NRG3: variants seen among roughly 807,000 people sequenced by gnomAD.
NRG3 encodes the protein neuregulin 3.
A neutral mutation model predicts 66.9 loss-of-function variants in NRG3; 31 were observed. That is an observed-to-expected ratio of 0.46 (90% CI 0.35 to 0.63). NRG3 has a LOEUF of 0.63. Ranked by LOEUF, NRG3 falls within the 20% of genes least tolerant of loss-of-function variation. The probability of loss-of-function intolerance (pLI) is 0.00; values close to 1 mark genes in which losing one functional copy is unlikely to be tolerated. For missense variants in NRG3, 910 were observed against 878.9 expected, an observed-to-expected ratio of 1.04 and a Z score of -0.45; for synonymous variants, 393 against 359.4, an observed-to-expected ratio of 1.09 and a Z score of -1.06.
Position 82,018,315 on chromosome 10 carries a change from C to T in NRG3, c.823+142152C>T, listed in dbSNP as rs553380381. On this transcript the variant is annotated intron_variant, in intron 1 of 8. Coordinates refer to ENST00000372141, the MANE Select transcript of NRG3 (RefSeq NM_001010848.4). ...CTACATCTCTCTTTTGGTACCAGTACCATGCTGTTTTGGTTACTATAGCCT... is the reference window on the plus strand; with the variant it reads ...CTACATCTCTCTTTTGGTACCAGTATCATGCTGTTTTGGTTACTATAGCCT... 5.3e-5 allele frequency among the ~76,000 whole-genome samples: 8 copies of T among 152,232 alleles called. No individual in the cohort carries two copies. The East Asian group carries it at 1.5e-3, about 29-fold the overall frequency.
At chr10:82,649,683 A>C (rs2051255353) in intron 2 of NRG3, among the ~76,000 whole-genome samples, 1 of 151,702 alleles carries the variant, frequency 6.6e-6, no homozygotes, top group Non-Finnish European at 1.5e-5. Flanking sequence ...TGAACTCCTG[A>C]CCTTAGGTGA....
chr10:82,144,509 G>A (rs1390156876), intron 1 of NRG3, among the ~76,000 whole-genome samples: 2 of 152,158 alleles, frequency 1.3e-5, no homozygotes, highest in East Asian at 3.9e-4. Context: ...GTGGCAATTA[G>A]CAGCTATTCT....
intron 4 of NRG3, among the ~76,000 whole-genome samples, chr10:82,870,986 GGGA>G (rs2135986297): frequency 6.6e-6 from 1 of 152,224 alleles, no homozygotes; most frequent in East Asian, 1.9e-4. Context: ...TATCCAAAAA[GGGA>G]TTGCCAAATC....
intron 1 of NRG3, among the ~76,000 whole-genome samples, chr10:82,302,732 C>T (rs943780821): frequency 3.9e-5 from 6 of 152,132 alleles, no homozygotes; most frequent in African/African-American, 1.2e-4. Flanking sequence ...CTCAATTTCA[C>T]GATGACAAGA....
intron 2 of NRG3, among the ~76,000 whole-genome samples, chr10:82,424,325 T>C (rs753287282): frequency 1.2e-4 from 19 of 152,024 alleles, no homozygotes; most frequent in Non-Finnish European, 2.1e-4. Context: ...TTGTCTGCCT[T>C]TTTTGATATT....
intron 2 of NRG3, among the ~76,000 whole-genome samples, chr10:82,618,246 C>A (rs2133580332): frequency 6.6e-6 from 1 of 152,230 alleles, no homozygotes; most frequent in South Asian, 2.1e-4. Context: ...CCAGACAGTG[C>A]AAGCGACAAT....
intron 1 of NRG3, among the ~76,000 whole-genome samples, chr10:82,133,503 C>T (rs903351365): frequency 1.2e-4 from 18 of 152,284 alleles, no homozygotes; most frequent in African/African-American, 4.3e-4. Flanking sequence ...TATGTGAGAA[C>T]ATGTGGTATT....
At chr10:81,990,672 G>A (rs980525661) in intron 1 of NRG3, among the ~76,000 whole-genome samples, 2 of 152,040 alleles carry the variant, frequency 1.3e-5, no homozygotes, top group African/African-American at 4.8e-5. Flanking sequence ...TATGCTGGAA[G>A]GTTTTCGATG....
intron 2 of NRG3, among the ~76,000 whole-genome samples, chr10:82,616,566 C>G (rs1236143261): frequency 6.6e-6 from 1 of 152,166 alleles, no homozygotes; most frequent in African/African-American, 2.4e-5. Context: ...TCAACATTAT[C>G]CCATGTCCCA....
chr10:82,303,630 G>A (rs774311272), intron 1 of NRG3, among the ~76,000 whole-genome samples: 1 of 152,136 alleles, frequency 6.6e-6, no homozygotes, highest in Non-Finnish European at 1.5e-5. Context: ...AGCACTTTGG[G>A]AGGCCGAGGT....
In NRG3 at chr10:81,944,877, C is replaced by A. The variant is rs564374733; in HGVS notation, c.823+68714C>A. ...AGTACTGTGATATAAAGGCAAAATC[C>A]CTCAGTCTGGCATGATCTAGACCTC... On this transcript the variant is annotated intron_variant, in intron 1 of 8. Transcript: ENST00000372141. Among the ~76,000 whole-genome samples, 12 of 152,216 alleles carry A rather than the reference C, an allele frequency of 7.9e-5. No individual in the cohort carries two copies. The South Asian group carries it at 2.5e-3, about 32-fold the overall frequency.
chr10:81,978,263 T>C (rs2060199270), intron 1 of NRG3, among the ~76,000 whole-genome samples: 2 of 152,228 alleles, frequency 1.3e-5, no homozygotes, highest in Non-Finnish European at 1.5e-5. Flanking sequence ...TTATAGATTT[T>C]GATAGTGGGA....
chr10:82,502,839 G>T (rs1156857088), intron 2 of NRG3, among the ~76,000 whole-genome samples: 1 of 151,996 alleles, frequency 6.6e-6, no homozygotes, highest in Non-Finnish European at 1.5e-5. Context: ...TTTTCCCTAG[G>T]ATTTCTTTGT....
intron 2 of NRG3, among the ~76,000 whole-genome samples, chr10:82,595,222 C>G (rs1270681047): frequency 6.6e-6 from 1 of 152,156 alleles, no homozygotes; most frequent in Non-Finnish European, 1.5e-5. Flanking sequence ...TGACATGGAA[C>G]AGTCTCCTGC....
chr10:82,671,173 C>T (rs746373601), intron 2 of NRG3, among the ~76,000 whole-genome samples: 1 of 152,314 alleles, frequency 6.6e-6, no homozygotes, highest in Non-Finnish European at 1.5e-5. Context: ...CATGCTTCAG[C>T]GTACTATGGC....
At chr10:82,461,180 AC>A (rs1263454245) in intron 2 of NRG3, among the ~76,000 whole-genome samples, 3 of 151,836 alleles carry the variant, frequency 2.0e-5, no homozygotes, top group Non-Finnish European at 4.4e-5. Context: ...TATCATCAAC[AC>A]CATCACCACC....
intron 1 of NRG3, among the ~76,000 whole-genome samples, chr10:82,219,945 T>C (rs1399072867): frequency 1.3e-5 from 2 of 151,878 alleles, no homozygotes; most frequent in Non-Finnish European, 2.9e-5. Context: ...ACACACAACT[T>C]TACGAGAGTA....
chr10:82,535,710 C>A (rs1370834747), intron 2 of NRG3, among the ~76,000 whole-genome samples: 1 of 152,080 alleles, frequency 6.6e-6, no homozygotes, highest in African/African-American at 2.4e-5. Context: ...GGGATGATTG[C>A]CCATATAAAA....
intron 3 of NRG3, among the ~76,000 whole-genome samples, chr10:82,762,917 A>G (rs939323742): frequency 2.5e-4 from 38 of 152,212 alleles, no homozygotes; most frequent in African/African-American, 9.2e-4. Context: ...GCCCTCATGA[A>G]TGGATTAATG....
Sources: gnomAD v4.1 joint callset for allele counts (sites outside exome capture counted in the v4.1 genomes callset) on GRCh38, gnomAD v4.1.1 for gene constraint, MANE v1.5 for transcripts, NCBI Gene and HGNC (gene_info 2026-07-23, HGNC 2026-07-21) for gene names.